Variants in APOLD1 observed in about 807,000 individuals in gnomAD.
APOLD1 encodes apolipoprotein L domain containing 1.
Under a neutral mutation model 15.3 loss-of-function variants are expected in APOLD1, and 22 were observed. That is an observed-to-expected ratio of 1.44 (90% CI 1.03 to 2.05). APOLD1 has a LOEUF of 2.05. Among genes scored for constraint, APOLD1 ranks in the 30% most tolerant of loss-of-function variants. APOLD1 has a pLI of 0.00. For missense variants in APOLD1, 394 were observed against 353.5 expected (o/e 1.11, Z -0.92); for synonymous variants, 190 against 167.4 (o/e 1.13, Z -1.04).
At chr12:12,760,925 T>C (rs1450695758) in intron 1 of APOLD1, among the ~76,000 whole-genome samples, 1 of 152,254 alleles carries the variant, frequency 6.6e-6, no homozygotes, top group Non-Finnish European at 1.5e-5. Context: ...GGTGGAAAGT[T>C]AGATCATTTA....
At chr12:12,768,864 G>C (rs925843822) in intron 1 of APOLD1, among the ~76,000 whole-genome samples, 2 of 151,322 alleles carry the variant, frequency 1.3e-5, no homozygotes, top group Non-Finnish European at 2.9e-5. Context: ...CTTTTAAAGT[G>C]CTACATTTTC....
At chr12:12,786,766 A>T in intron 1 of APOLD1, 143 bp from the exon 2 acceptor site, 1 of 1,289,920 alleles carries the variant, frequency 7.8e-7, no homozygotes, top group Non-Finnish European at 9.8e-7. Flanking sequence ...CTCATGATCC[A>T]CTGGAAACAG....
chr12:12,751,464 C>G (rs532627851), intron 1 of APOLD1, among the ~76,000 whole-genome samples: 28 of 152,296 alleles, frequency 1.8e-4, no homozygotes, highest in African/African-American at 6.7e-4. Context: ...GATCCTCTTG[C>G]CTTAGCCTCC....
chr12:12,775,799 T>C (rs1298517806), intron 1 of APOLD1, among the ~76,000 whole-genome samples: 1 of 152,028 alleles, frequency 6.6e-6, no homozygotes, highest in Non-Finnish European at 1.5e-5. Flanking sequence ...CAGGAGTTCA[T>C]GACCAGCTTA....
chr12:12,750,394 A>G lies in APOLD1; in HGVS notation c.96+24298A>G, dbSNP rs1037049885. 6.1e-5 allele frequency among the ~76,000 whole-genome samples: 9 copies of G among 148,058 alleles called. No homozygotes were observed. In the East Asian group the frequency reaches 1.4e-3, roughly 23 times the overall value. On this transcript the variant is annotated intron_variant, in intron 1 of 1. Coordinates refer to the APOLD1 transcript ENST00000326765. ...TCTCAAAAAAAAAAAAAAAAAAAAA[A>G]GGAAATTGGGGAAGATACATTTTGG... is the stretch of plus-strand genomic sequence containing the variant.
Position 12,761,835 on chromosome 12 carries a change from A to ATATATATAT in APOLD1, c.97-25074_97-25073insTATATATAT, listed in dbSNP as rs1565432774. On this transcript the variant is annotated intron_variant, in intron 1 of 1. Coordinates refer to the APOLD1 transcript ENST00000326765. ...TATACATATATGTATATGTATAGAGAGAGAGAGAGAGAGAGAGAGAGAGAG... is the reference window on the plus strand; with the variant it reads ...TATACATATATGTATATGTATAGAGATATATATATGAGAGAGAGAGAGAGAGAGAGAGAG... Among the ~76,000 whole-genome samples, 41 of 123,360 alleles carry ATATATATAT rather than the reference A, an allele frequency of 3.3e-4. 1 individual carries two copies. In the South Asian group the frequency reaches 3.6e-3, roughly 11 times the overall value. The allele number at this position is 123,360 out of a possible 152,430, so 80.9% of individuals were successfully genotyped here. A position where few individuals can be genotyped will look rare whatever the true frequency, so the allele number is the denominator to read the frequency against.
chr12:12,737,617 C>T (rs775178731), intron 1 of APOLD1, among the ~76,000 whole-genome samples: 167 of 151,012 alleles, frequency 1.1e-3, no homozygotes, highest in Non-Finnish European at 2.1e-3. Flanking sequence ...TCCTCCCCTT[C>T]TCCAGTAAAA....
At chr12:12,780,824 A>G (rs1947074482), upstream of APOLD1, among the ~76,000 whole-genome samples, 1 of 146,368 alleles carries the variant, frequency 6.8e-6, no homozygotes, top group Non-Finnish European at 1.5e-5. Context: ...CCTGGGCTCA[A>G]GTGATTCTTC....
intron 1 of APOLD1, among the ~76,000 whole-genome samples, chr12:12,778,173 G>A (rs544057542): frequency 9.2e-5 from 14 of 151,810 alleles, no homozygotes; most frequent in Non-Finnish European, 1.6e-4. Flanking sequence ...CAAGCAGTCC[G>A]CCAGCCTTGG....
chr12:12,756,904 T>A (rs6488555), intron 1 of APOLD1, among the ~76,000 whole-genome samples: 46,951 of 152,046 alleles, frequency 0.31, 7,801 homozygotes, highest in South Asian at 0.45. Context: ...CTCCTGCCTC[T>A]GTCTCCAGAG....
At chr12:12,730,662 C>T (rs1946631731) in intron 1 of APOLD1, among the ~76,000 whole-genome samples, 1 of 110,804 alleles carries the variant, frequency 9.0e-6, no homozygotes, top group Non-Finnish European at 1.7e-5. Context: ...GCCTGGGGGA[C>T]GAGATTGAGA....
At chr12:12,753,995 AC>A (rs1946835061) in intron 1 of APOLD1, among the ~76,000 whole-genome samples, 1 of 151,078 alleles carries the variant, frequency 6.6e-6, no homozygotes, top group African/African-American at 2.4e-5. Context: ...TGGGCGGATC[AC>A]CTGAGGTCAG....
At chr12:12,732,997 G>A (rs1946653393) in intron 1 of APOLD1, among the ~76,000 whole-genome samples, 1 of 151,978 alleles carries the variant, frequency 6.6e-6, no homozygotes, top group African/African-American at 2.4e-5. Context: ...AAAACACCCT[G>A]GGTAGCTTTA....
chr12:12,759,777 A>G (rs1384150017), intron 1 of APOLD1, among the ~76,000 whole-genome samples: 3 of 152,208 alleles, frequency 2.0e-5, no homozygotes, highest in African/African-American at 4.8e-5. Flanking sequence ...CCAACGGGAG[A>G]TGAGAAGACA....
At chr12:12,741,166 G>A (rs958955368) in intron 1 of APOLD1, among the ~76,000 whole-genome samples, 2 of 152,130 alleles carry the variant, frequency 1.3e-5, no homozygotes, top group African/African-American at 4.8e-5. Context: ...ACATCAGGTT[G>A]TAACCTGGAC....
At chr12:12,786,438 T>C (rs926751738) in intron 1 of APOLD1, among the ~76,000 whole-genome samples, 2 of 151,922 alleles carry the variant, frequency 1.3e-5, no homozygotes, top group Non-Finnish European at 2.9e-5. Context: ...TTTCATTCAT[T>C]AGAGAGAGAG....
intron 1 of APOLD1, among the ~76,000 whole-genome samples, chr12:12,727,744 ATG>A (rs1055846441): frequency 6.8e-6 from 1 of 147,732 alleles, no homozygotes; most frequent in Non-Finnish European, 1.5e-5. Context: ...CTGCAATTAC[ATG>A]TGTGCTCTGA....
chr12:12,785,519 T>G (rs1216699549), upstream of APOLD1: 7 of 1,073,006 alleles, frequency 6.5e-6, no homozygotes, highest in Non-Finnish European at 8.1e-6. Context: ...CAGGTCATTT[T>G]CCACCATGTC....
rs746649257 is a variant in APOLD1 at position 12,787,172 on chromosome 12, C to CTG, written c.267_268insTG (p.Val90TrpfsTer21). 8.3e-5 allele frequency: 127 copies of CTG among 1,528,996 alleles called. 1 individual carries two copies. In the African/African-American group the frequency reaches 1.6e-3, roughly 20 times the overall value. The allele number at this position is 1,528,996 out of a possible 1,614,324, so 94.7% of individuals were successfully genotyped here. A position where few individuals can be genotyped will look rare whatever the true frequency, so the allele number is the denominator to read the frequency against. ...TGGGGACCTCGCTGCTGGTGTCGGC[C>CTG]GTGGGGCTGGGGGTGGCCACAGCCG... On this transcript the variant is annotated frameshift_variant, in exon 2 of 2. Transcript: ENST00000356591. LOFTEE classifies it high-confidence loss of function. The surrounding 1 kb of genome is among the most constrained non-coding windows in gnomAD (Gnocchi z 4.9).
Sources: allele counts gnomAD v4.1 joint callset (sites outside exome capture counted in the v4.1 genomes callset), GRCh38; gene constraint gnomAD v4.1.1; non-coding constraint Gnocchi (gnomAD v3.1); transcripts MANE v1.5; gene names NCBI Gene and HGNC (gene_info 2026-07-23, HGNC 2026-07-21).